GPC6: variants seen among roughly 807,000 people sequenced by gnomAD.
GPC6 encodes glypican-6.
A neutral mutation model predicts 55.2 loss-of-function variants in GPC6; 14 were observed. The ratio of observed to expected loss-of-function variants is 0.25; its 90% CI spans 0.17 to 0.40. The LOEUF (loss-of-function observed/expected upper bound fraction) is 0.40. GPC6 is among the 10% of genes least tolerant of loss of function. The pLI is 1.00. For synonymous variants in GPC6, 278 were observed against 259.6 expected (o/e 1.07, Z -0.68); for missense variants, 641 against 708.5 (o/e 0.90, Z 1.08).
intron 4 of GPC6, among the ~76,000 whole-genome samples, chr13:94,144,404 A>AAAACACAC (rs1555300503): frequency 1.4e-5 from 2 of 143,328 alleles, no homozygotes; most frequent in African/African-American, 5.2e-5. Context: ...GTGCTTTTAA[A>AAAACACAC]ACACACACAC....
intron 3 of GPC6, among the ~76,000 whole-genome samples, chr13:93,899,745 A>G (rs558506389): frequency 1.3e-5 from 2 of 152,214 alleles, no homozygotes; most frequent in East Asian, 3.9e-4. Flanking sequence ...ATCCAAAACA[A>G]CCAGTTTTCA....
intron 1 of GPC6, among the ~76,000 whole-genome samples, chr13:93,543,533 C>G (rs963966924): frequency 2.6e-5 from 4 of 151,936 alleles, no homozygotes; most frequent in Non-Finnish European, 1.5e-5. Flanking sequence ...ATGATGCTGG[C>G]CTCATAAAAT....
In GPC6 at chr13:93,612,500, AACACACAC is replaced by A. The variant is rs3138575; in HGVS notation, c.319+67115_319+67122del. Among the ~76,000 whole-genome samples the A allele has an allele frequency of 7.0e-3, 980 of 139,360 alleles. 6 individuals carry two copies. The highest frequency in any genetic ancestry group is 0.021 in the African/African-American group (773 of 37,310). 91.4% of individuals were successfully genotyped at this position (139,360 alleles called of 152,430 possible). ...GGCGATAGTGCGAGACTCCGTCTAA[AACACACAC>A]ACACACACACACACACACACACACA... On this transcript the variant is annotated intron_variant, in intron 2 of 8. Coordinates refer to ENST00000377047, the MANE Select transcript of GPC6 (RefSeq NM_005708.5).
chr13:94,329,554 T>G (rs1566681864), intron 6 of GPC6, among the ~76,000 whole-genome samples: 1 of 152,220 alleles, frequency 6.6e-6, no homozygotes, highest in Non-Finnish European at 1.5e-5. Context: ...AGGTTTATTC[T>G]CCACAGGATC....
chr13:93,249,309 T>C (rs1054979144), intron 1 of GPC6, among the ~76,000 whole-genome samples: 2 of 152,238 alleles, frequency 1.3e-5, no homozygotes, highest in Non-Finnish European at 2.9e-5. Flanking sequence ...TTAAATTGAT[T>C]GATTTTAATC....
At chr13:94,357,281 A>G (rs2077464372) in intron 6 of GPC6, among the ~76,000 whole-genome samples, 1 of 152,122 alleles carries the variant, frequency 6.6e-6, no homozygotes, top group South Asian at 2.1e-4. Context: ...GGTTTGGTCC[A>G]CATGAGCCTT....
intron 3 of GPC6, among the ~76,000 whole-genome samples, chr13:93,900,024 A>G (rs192087948): frequency 6.6e-6 from 1 of 152,264 alleles, no homozygotes; most frequent in Admixed American, 6.5e-5. Flanking sequence ...TACTTCTGAA[A>G]ATAATTTGTG....
chr13:93,531,338 G>A (rs938215327), intron 1 of GPC6, among the ~76,000 whole-genome samples: 2 of 152,044 alleles, frequency 1.3e-5, no homozygotes, highest in Admixed American at 1.3e-4. Context: ...ATTGGCTCAT[G>A]TGGTGTAAGA....
At chr13:93,660,028 T>G (rs2139611092) in intron 2 of GPC6, among the ~76,000 whole-genome samples, 1 of 152,252 alleles carries the variant, frequency 6.6e-6, no homozygotes, top group South Asian at 2.1e-4. Flanking sequence ...TGTTCTCTTT[T>G]TATTGCTATA....
At chr13:94,053,738 CAATT>C (rs1397592905) in intron 4 of GPC6, among the ~76,000 whole-genome samples, 1 of 152,036 alleles carries the variant, frequency 6.6e-6, no homozygotes, top group Non-Finnish European at 1.5e-5. Flanking sequence ...CTTAGGGAAA[CAATT>C]AGATATTTCT....
At chr13:93,249,006 T>G (rs1414580309) in intron 1 of GPC6, among the ~76,000 whole-genome samples, 3 of 152,126 alleles carry the variant, frequency 2.0e-5, no homozygotes, top group Non-Finnish European at 4.4e-5. Flanking sequence ...TGTTCTTTTT[T>G]CCCCTCCCTG....
chr13:93,964,733 A>G (rs1323053446), intron 3 of GPC6, among the ~76,000 whole-genome samples: 4 of 152,206 alleles, frequency 2.6e-5, no homozygotes, highest in Non-Finnish European at 4.4e-5. Flanking sequence ...AAAGCAATAC[A>G]GTGAAAATTC....
chr13:93,761,306 A>G (rs976338655), intron 2 of GPC6, among the ~76,000 whole-genome samples: 2 of 152,194 alleles, frequency 1.3e-5, no homozygotes, highest in African/African-American at 2.4e-5. Context: ...GCACTCTGCT[A>G]TGTAGTATAT....
intron 8 of GPC6, among the ~76,000 whole-genome samples, chr13:94,401,536 AAG>A (rs1881126944): frequency 6.6e-6 from 1 of 152,132 alleles, no homozygotes; most frequent in Non-Finnish European, 1.5e-5. Flanking sequence ...CCTTGGTTTC[AAG>A]CAGAGAATGG....
intron 4 of GPC6, among the ~76,000 whole-genome samples, chr13:94,065,744 T>A (rs561675403): frequency 1.1e-4 from 16 of 152,318 alleles, no homozygotes; most frequent in Middle Eastern, 3.4e-3. Flanking sequence ...CCTAATCTTA[T>A]TACACCCCAC....
At chr13:94,333,194 T>C (rs565211905) in intron 6 of GPC6, among the ~76,000 whole-genome samples, 3 of 152,358 alleles carry the variant, frequency 2.0e-5, no homozygotes, top group African/African-American at 7.2e-5. Context: ...TTACTATAAA[T>C]TTCTTCCACT....
chr13:94,149,879 G>A (rs900915850), intron 4 of GPC6, among the ~76,000 whole-genome samples: 1 of 151,952 alleles, frequency 6.6e-6, no homozygotes, highest in African/African-American at 2.4e-5. Context: ...TTTTGAGGGT[G>A]TTTTCTGTCC....
At chr13:93,290,103 C>T (rs959694080) in intron 1 of GPC6, among the ~76,000 whole-genome samples, 10 of 152,014 alleles carry the variant, frequency 6.6e-5, no homozygotes, top group African/African-American at 1.7e-4. Flanking sequence ...GTTAATGTAA[C>T]GAGACTCTTG....
rs1303123149 is a variant in GPC6 at position 93,426,519 on chromosome 13, A to G, written c.161-118744A>G. On this transcript the variant is annotated intron_variant, in intron 1 of 8. Transcript: ENST00000377047. ...TTTTTGTTCTTGCGATAGTTTACTGAGAAGGATGATTTCCAATTTCATCCA... is the reference window on the plus strand; with the variant it reads ...TTTTTGTTCTTGCGATAGTTTACTGGGAAGGATGATTTCCAATTTCATCCA... 4.6e-5 allele frequency among the ~76,000 whole-genome samples: 7 copies of G among 151,580 alleles called. No individual in the cohort carries two copies. In the East Asian group the frequency reaches 5.9e-4, roughly 13 times the overall value.
Sources: gnomAD v4.1 joint callset for allele counts (sites outside exome capture counted in the v4.1 genomes callset) on GRCh38, gnomAD v4.1.1 for gene constraint, MANE v1.5 for transcripts, NCBI Gene and HGNC (gene_info 2026-07-23, HGNC 2026-07-21) for gene names.